Variants in WDFY4 observed in about 807,000 individuals in gnomAD.
WDFY4 encodes the protein WD repeat- and FYVE domain-containing protein 4.
Under a neutral mutation model 351.9 loss-of-function variants are expected in WDFY4, and 169 were observed. The ratio of observed to expected loss-of-function variants is 0.48; its 90% CI spans 0.42 to 0.55. The LOEUF (loss-of-function observed/expected upper bound fraction) is 0.55, where lower values mean the gene tolerates loss of function less well. WDFY4 is among the 20% of genes least tolerant of loss of function. The pLI is 0.00. For synonymous variants in WDFY4, 1,622 were observed against 1,574.6 expected (o/e 1.03, Z -0.71); for missense variants, 3,803 against 3,935.6 (o/e 0.97, Z 0.90).
intron 39 of WDFY4, among the ~76,000 whole-genome samples, chr10:48,837,424 TCC>T (rs1473230884): frequency 6.6e-6 from 1 of 152,108 alleles, no homozygotes; most frequent in Non-Finnish European, 1.5e-5. Flanking sequence ...TGGCATCTGC[TCC>T]TATAGGTGAG....
chr10:48,821,671 A>C (rs2067828811), intron 34 of WDFY4, among the ~76,000 whole-genome samples: 1 of 152,194 alleles, frequency 6.6e-6, no homozygotes, highest in South Asian at 2.1e-4. Context: ...ACAAGCCTAA[A>C]CAAAAGCCTT....
At position 48,928,033 on chromosome 10, in the gene WDFY4, G is replaced by A. The variant is rs113566141; in HGVS notation, c.7587-13773G>A. Reference sequence around the variant, plus strand: ...GACCTGGCCCCTTTGAAGCTCATGAGGTGAGCAGTGATTCCATTCCACCCA... The same window carrying A: ...GACCTGGCCCCTTTGAAGCTCATGAAGTGAGCAGTGATTCCATTCCACCCA... On this transcript the variant is annotated intron_variant, in intron 47 of 61. Transcript: ENST00000325239. Among the ~76,000 whole-genome samples, 643 of 152,316 alleles carry A rather than the reference G, an allele frequency of 4.2e-3. 4 individuals are homozygous for A. Among genetic ancestry groups the A allele is most frequent in the African/African-American group, 0.015 (626 of 41,568 alleles).
At chr10:48,828,116 A>G (rs1022814079) in intron 36 of WDFY4, among the ~76,000 whole-genome samples, 3 of 152,168 alleles carry the variant, frequency 2.0e-5, no homozygotes, top group African/African-American at 7.2e-5. Context: ...ATCCATGAAC[A>G]TTTACTGAGT....
At chr10:48,892,780 A>G (rs1485433897) in intron 44 of WDFY4, among the ~76,000 whole-genome samples, 3 of 152,254 alleles carry the variant, frequency 2.0e-5, no homozygotes, top group Non-Finnish European at 4.4e-5. Flanking sequence ...TACCATAAAA[A>G]CATCCAAAAT....
chr10:48,733,877 C>A, intron 9 of WDFY4, 54 bp from the exon 10 acceptor site: 1 of 1,472,134 alleles, frequency 6.8e-7, no homozygotes. Flanking sequence ...CAGAGATTTG[C>A]GGTCATACCA....
At position 48,930,113 on chromosome 10, in the gene WDFY4, T is replaced by C. The variant is rs112345062; in HGVS notation, c.7587-11693T>C. 3.2e-3 allele frequency among the ~76,000 whole-genome samples: 487 copies of C among 152,194 alleles called. 6 individuals are homozygous for C. The highest frequency in any genetic ancestry group is 0.011 in the African/African-American group (471 of 41,512). On this transcript the variant is annotated intron_variant, in intron 47 of 61. Coordinates refer to ENST00000325239, the MANE Select transcript of WDFY4 (RefSeq NM_001394531.1). ...AGAGTAGGCCCTTGGTCAATACTAG[T>C]TTAATAGATACAGTCTAAGCGCTTA...
intron 30 of WDFY4, among the ~76,000 whole-genome samples, chr10:48,813,221 A>C (rs2067517430): frequency 6.6e-6 from 1 of 152,138 alleles, no homozygotes; most frequent in Non-Finnish European, 1.5e-5. Flanking sequence ...TGCCAAGAGA[A>C]GGTTAAAAAA....
At chr10:48,735,703 T>C (rs2064635863) in intron 10 of WDFY4, among the ~76,000 whole-genome samples, 177 bp from the exon 11 acceptor site, 1 of 152,224 alleles carries the variant, frequency 6.6e-6, no homozygotes, top group African/African-American at 2.4e-5. Context: ...TTCTTTTTTC[T>C]GCTTCTCACT....
intron 2 of WDFY4, among the ~76,000 whole-genome samples, chr10:48,715,624 T>A (rs1454667464): frequency 6.6e-6 from 1 of 151,926 alleles, no homozygotes; most frequent in Non-Finnish European, 1.5e-5. Flanking sequence ...AAGAATTATT[T>A]TTTTATTTTT....
At chr10:48,697,384 C>T (rs12254896) in intron 1 of WDFY4, among the ~76,000 whole-genome samples, 7,025 of 152,242 alleles carry the variant, frequency 0.046, 284 homozygotes, top group African/African-American at 0.1. Flanking sequence ...CACCTGGGGA[C>T]GTGTTGCAAT....
At chr10:48,803,506 G>A in intron 25 of WDFY4, 147 bp downstream of exon 25, 2 of 790,422 alleles carry the variant, frequency 2.5e-6, no homozygotes, top group East Asian at 2.7e-5. Flanking sequence ...GCTCATGCTT[G>A]TGGGGCAGTC....
chr10:48,980,830 C>T (rs1222565575), intron 60 of WDFY4, among the ~76,000 whole-genome samples: 2 of 152,174 alleles, frequency 1.3e-5, no homozygotes, highest in African/African-American at 4.8e-5. Flanking sequence ...GAAGGAATTA[C>T]TGTCTGTCCC....
chr10:48,716,220 A>G (rs183676172), intron 2 of WDFY4, among the ~76,000 whole-genome samples: 1 of 152,186 alleles, frequency 6.6e-6, no homozygotes, highest in African/African-American at 2.4e-5. Context: ...CAAACTCTGC[A>G]GTAATGGAGT....
At chr10:48,888,700 C>T (rs1433091053) in intron 43 of WDFY4, among the ~76,000 whole-genome samples, 1 of 152,216 alleles carries the variant, frequency 6.6e-6, no homozygotes, top group South Asian at 2.1e-4. Context: ...TCAGCCCTTC[C>T]TGCCTCTAGG....
chr10:48,729,357 C>T (rs1430935859), intron 7 of WDFY4, 75 bp from the exon 8 acceptor site: 1 of 1,521,022 alleles, frequency 6.6e-7, no homozygotes, highest in Non-Finnish European at 8.8e-7. Context: ...GGCTCTGTCT[C>T]CTTGAGAGCA....
Position 48,982,711 on chromosome 10 carries a change from C to A in WDFY4, c.*136C>A. 1 of 836,958 alleles carries A rather than the reference C, an allele frequency of 1.2e-6. No individual in the cohort carries two copies. The allele number at this position is 836,958 out of a possible 1,614,324, so 51.8% of individuals were successfully genotyped here. ...ACAGTTCTCAAGGAAGGGCCTCTGG[C>A]AATCACAGCTCTGCAGCCCAACCCT... is the stretch of plus-strand genomic sequence containing the variant. On this transcript the variant is annotated 3_prime_UTR_variant, in exon 62 of 62. Coordinates refer to ENST00000325239, the MANE Select transcript of WDFY4 (RefSeq NM_001394531.1).
intron 13 of WDFY4, among the ~76,000 whole-genome samples, chr10:48,769,308 G>A (rs1185021378): frequency 2.0e-5 from 3 of 152,170 alleles, no homozygotes; most frequent in African/African-American, 7.2e-5. Context: ...AGGGACCATG[G>A]CAAAATGGAA....
chr10:48,703,857 G>A lies in WDFY4; in HGVS notation c.-17-5859G>A, dbSNP rs35325151. Among the ~76,000 whole-genome samples the A allele has an allele frequency of 8.6e-3, 1,308 of 152,312 alleles. 27 individuals carry two copies. The highest frequency in any genetic ancestry group is 0.042 in the Admixed American group (648 of 15,308). The stretch of plus-strand genomic sequence containing the variant: ...TGTGGGTTGTTACAATGCAGAGCGA[G>A]CTCTGATGATGCTATGTATCCCTGC... On this transcript the variant is annotated intron_variant, in intron 1 of 61. Transcript: ENST00000325239.
intron 52 of WDFY4, among the ~76,000 whole-genome samples, chr10:48,958,326 A>T (rs2133826941): frequency 6.6e-6 from 1 of 152,290 alleles, no homozygotes; most frequent in East Asian, 1.9e-4. Context: ...AAGTGAACAA[A>T]TTCAAAGGAT....
Sources: gnomAD v4.1 joint callset for allele counts (sites outside exome capture counted in the v4.1 genomes callset) on GRCh38, gnomAD v4.1.1 for gene constraint, MANE v1.5 for transcripts, NCBI Gene and HGNC (gene_info 2026-07-23, HGNC 2026-07-21) for gene names.